ELP2: variants seen among roughly 807,000 people sequenced by gnomAD.
ELP2 encodes the protein elongator acetyltransferase complex subunit 2, also known as elongator complex protein 2.
ELP2 carries 90 observed loss-of-function variants against 119.2 expected under a neutral mutation model. That is an observed-to-expected ratio of 0.75 (90% CI 0.64 to 0.90). The LOEUF (loss-of-function observed/expected upper bound fraction) is 0.90, where lower values mean the gene tolerates loss of function less well. Ranked by LOEUF, ELP2 falls within the 40% of genes least tolerant of loss-of-function variation. The probability of loss-of-function intolerance (pLI) is 0.00; values close to 1 mark genes in which losing one functional copy is unlikely to be tolerated. For synonymous variants in ELP2, 339 were observed against 331.0 expected (o/e 1.02, Z -0.26); for missense variants, 921 against 967.8 (o/e 0.95, Z 0.64).
chr18:36,159,558 A>G (rs2090668638), intron 14 of ELP2, among the ~76,000 whole-genome samples, 177 bp from the exon 15 acceptor site: 1 of 152,244 alleles, frequency 6.6e-6, no homozygotes, highest in Non-Finnish European at 1.5e-5. Context: ...TGCCAGGAGC[A>G]TGTTTGGAAA....
At chr18:36,139,345 T>C in intron 5 of ELP2, 1 of 1,391,688 alleles carries the variant, frequency 7.2e-7, no homozygotes, top group South Asian at 1.3e-5. Context: ...GTGAAACCCA[T>C]CTGTATTTAT....
At chr18:36,169,879 A>G in intron 19 of ELP2, 184 bp from the exon 20 acceptor site, 1 of 725,822 alleles carries the variant, frequency 1.4e-6, no homozygotes, top group Non-Finnish European at 2.4e-6. Context: ...TGTCTGCTGT[A>G]CCGTGCCTTC....
chr18:36,137,899 G>A (rs913427243), intron 3 of ELP2, among the ~76,000 whole-genome samples: 2 of 151,700 alleles, frequency 1.3e-5, no homozygotes, highest in Admixed American at 6.6e-5. Context: ...ACTAAAACCT[G>A]GACAAACTGA....
chr18:36,143,707 T>G (rs949369380), intron 8 of ELP2, among the ~76,000 whole-genome samples: 1 of 152,220 alleles, frequency 6.6e-6, no homozygotes, highest in Non-Finnish European at 1.5e-5. Context: ...TGATACTTTG[T>G]ATTTTCCTAT....
At chr18:36,155,970 G>A (rs1179970865) in intron 12 of ELP2, among the ~76,000 whole-genome samples, 2 of 152,116 alleles carry the variant, frequency 1.3e-5, no homozygotes, top group East Asian at 1.9e-4. Context: ...CTATAGGTAG[G>A]GGGCAGTGGA....
At chr18:36,134,333 C>T (rs952983383) in intron 2 of ELP2, among the ~76,000 whole-genome samples, 1 of 152,062 alleles carries the variant, frequency 6.6e-6, no homozygotes, top group East Asian at 1.9e-4. Flanking sequence ...TGTTTTCCAG[C>T]AGCCACATGA....
intron 9 of ELP2, among the ~76,000 whole-genome samples, 180 bp from the exon 10 acceptor site, chr18:36,145,768 C>T (rs1030009184): frequency 2.6e-5 from 4 of 152,188 alleles, no homozygotes; most frequent in African/African-American, 9.6e-5. Context: ...TCTGAATATA[C>T]CACAACCCAT....
rs750514141 is a variant in ELP2, at chr18:36,174,610, A to G, written c.2450A>G (p.Lys817Arg). ...AGCTGTGGTGAAGATCACACTGTGA[A>G]GATACACAGAGTCAATAAATGTGCA... ...FASCGEDHTV[K>R]IHRVNKCAL Residue 817 changes from lysine (K) to arginine (R), a missense_variant, in exon 22 of 22, where the codon AAG (lysine) becomes AGG (arginine). By Grantham distance (26) the Lys-to-Arg change is conservative (BLOSUM62 2). Transcript: ENST00000358232. 28 of 1,614,088 alleles carry G rather than the reference A, an allele frequency of 1.7e-5. No individual in the cohort carries two copies. Among genetic ancestry groups the G allele is most frequent in the South Asian group, 1.6e-4 (15 of 91,088 alleles).
At chr18:36,145,853 TC>T in intron 9 of ELP2, 94 bp from the exon 10 acceptor site, 1 of 1,008,894 alleles carries the variant, frequency 9.9e-7, no homozygotes. Flanking sequence ...GCAGTGAACA[TC>T]CTTGCAGTAC....
intron 3 of ELP2, among the ~76,000 whole-genome samples, chr18:36,137,803 CAAAAAA>C (rs57722627): frequency 3.9e-5 from 4 of 103,682 alleles, no homozygotes; most frequent in African/African-American, 1.1e-4. Flanking sequence ...ATATTATCAC[CAAAAAA>C]AAAAAAAAAA....
In ELP2 at chr18:36,143,102, CTTTTTTTTTTT is replaced by C. The variant is rs2090088440; in HGVS notation, c.796+137_796+147del. 1.4e-5 allele frequency: 7 copies of C among 510,738 alleles called. No homozygotes were observed. In the Admixed American group the frequency reaches 1.6e-4, roughly 12 times the overall value. The allele number at this position is 510,738 out of a possible 1,614,324, so 31.6% of individuals were successfully genotyped here. On this transcript the variant is annotated intron_variant, in intron 8 of 21. Coordinates refer to ENST00000358232, the MANE Select transcript of ELP2 (RefSeq NM_018255.4). ...CCTACCTGAAATTTCTTTTTTCTTTCTTTTTTTTTTTGAGACAGAGTTTTGCTTCTTCACCT... is the reference window on the plus strand; with the variant it reads ...CCTACCTGAAATTTCTTTTTTCTTTCGAGACAGAGTTTTGCTTCTTCACCT...
chr18:36,173,159 A>C (rs1408617095), intron 21 of ELP2, among the ~76,000 whole-genome samples: 1 of 152,206 alleles, frequency 6.6e-6, no homozygotes, highest in East Asian at 1.9e-4. Flanking sequence ...GAGTTATACC[A>C]CATATGTTTA....
At chr18:36,156,731 T>C in intron 13 of ELP2, 77 bp downstream of exon 13, 4 of 1,288,360 alleles carry the variant, frequency 3.1e-6, no homozygotes, top group African/African-American at 1.5e-5. Context: ...CCTTAGGCTT[T>C]AAATGGAATA....
intron 1 of ELP2, among the ~76,000 whole-genome samples, chr18:36,132,843 A>G (rs1325771106): frequency 1.3e-5 from 2 of 151,790 alleles, no homozygotes; most frequent in East Asian, 1.9e-4. Flanking sequence ...TTGGTCAGAG[A>G]AACCCTCAGA....
intron 19 of ELP2, among the ~76,000 whole-genome samples, chr18:36,169,314 A>G (rs1311612588): frequency 1.3e-5 from 2 of 151,882 alleles, no homozygotes; most frequent in East Asian, 3.9e-4. Context: ...CATCTAGGTC[A>G]GGTTTTCCTC....
At chr18:36,148,269 A>AT (rs974373574) in intron 11 of ELP2, among the ~76,000 whole-genome samples, 1 of 151,718 alleles carries the variant, frequency 6.6e-6, no homozygotes, top group Non-Finnish European at 1.5e-5. Flanking sequence ...AATTTTTTGT[A>AT]TTTTTAGTAG....
At position 36,146,342 on chromosome 18, in the gene ELP2, C is replaced by T. The variant is rs768966809; in HGVS notation, c.1086C>T (p.His362=). ...DGSMIIAHAF[H]GALHLWKQNT... ...CCATGATCATTGCTCATGCTTTCCA[C>T]GGAGCGTTGCACCTTTGGAAACAGA... The change falls in exon 11 of 22, where the codon CAC becomes CAT. Residue 362 remains histidine, a synonymous_variant. Coordinates refer to ENST00000358232, the MANE Select transcript of ELP2 (RefSeq NM_018255.4). 13 of 1,613,862 alleles carry T rather than the reference C, an allele frequency of 8.1e-6. No homozygotes were observed. Among genetic ancestry groups the T allele is most frequent in the African/African-American group, 2.7e-5 (2 of 74,902 alleles).
At chr18:36,164,035 A>G (rs685042) in intron 17 of ELP2, among the ~76,000 whole-genome samples, 47,271 of 152,040 alleles carry the variant, frequency 0.31, 7,834 homozygotes, top group Middle Eastern at 0.42. Context: ...TGACATATGA[A>G]TGCAATATGC....
In ELP2 at chr18:36,175,873, T is replaced by G. The variant is rs1421074062; in HGVS notation, c.*1232T>G. 6.6e-6 allele frequency: 1 copy of G among 152,040 alleles called. No homozygotes were observed. Among genetic ancestry groups the G allele is most frequent in the Non-Finnish European group, 1.5e-5 (1 of 67,998 alleles). 9.4% of individuals were successfully genotyped at this position (152,040 alleles called of 1,614,324 possible). A position where few individuals can be genotyped will look rare whatever the true frequency, so the allele number is the denominator to read the frequency against. ...AATAAATGTGTTGAAAGGAGGAAGG[T>G]GAGGATTTTCTTGGTGGGAGTTTAT... is the stretch of plus-strand genomic sequence containing the variant. On this transcript the variant is annotated 3_prime_UTR_variant, in exon 22 of 22. Transcript: ENST00000358232.
Sources: gnomAD v4.1 joint callset for allele counts (sites outside exome capture counted in the v4.1 genomes callset) on GRCh38, gnomAD v4.1.1 for gene constraint, MANE v1.5 for transcripts, NCBI Gene and HGNC (gene_info 2026-07-23, HGNC 2026-07-21) for gene names.